ANGEL2: variants seen among roughly 807,000 people sequenced by gnomAD.
ANGEL2 encodes the protein RNA 2',3'-cyclic phosphatase ANGEL2.
Under a neutral mutation model 66.0 loss-of-function variants are expected in ANGEL2, and 41 were observed. The observed-to-expected ratio is 0.62, with a 90% CI of 0.48 to 0.81. ANGEL2 has a LOEUF of 0.81. Ranked by LOEUF, ANGEL2 falls within the 30% of genes least tolerant of loss-of-function variation. The pLI, the probability that ANGEL2 is intolerant of heterozygous loss-of-function variation, is 0.00. For missense variants in ANGEL2, 561 were observed against 641.6 expected, an observed-to-expected ratio of 0.87 and a Z score of 1.36; for synonymous variants, 208 against 226.5, an observed-to-expected ratio of 0.92 and a Z score of 0.73.
intron 2 of ANGEL2, chr1:213,011,134 C>A: frequency 8.1e-7 from 1 of 1,241,230 alleles, no homozygotes; most frequent in Non-Finnish European, 1.0e-6. Flanking sequence ...ATTTGAAAAC[C>A]ACTGATAAGA....
chr1:212,992,273 C>T lies in ANGEL2; in HGVS notation c.*2768G>A, dbSNP rs1169122051. On this transcript the variant is annotated 3_prime_UTR_variant, in exon 9 of 9. Transcript: ENST00000366962. The stretch of plus-strand genomic sequence containing the variant: ...CCCCAATCCCTTGAACTCTCTGGAT[C>T]TCAAACTTTCTTTAGGAAAGCAAAG... The T allele has an allele frequency of 6.6e-6, 1 of 152,200 alleles. No individual in the cohort carries two copies. The highest frequency in any genetic ancestry group is 1.5e-5 in the Non-Finnish European group (1 of 68,030). 9.4% of individuals were successfully genotyped at this position (152,200 alleles called of 1,614,324 possible).
intron 8 of ANGEL2, among the ~76,000 whole-genome samples, chr1:212,996,087 C>T (rs1441042392): frequency 6.6e-6 from 1 of 151,986 alleles, no homozygotes; most frequent in Non-Finnish European, 1.5e-5. Context: ...GCAGGCAGAT[C>T]ATGAGGTCAG....
At chr1:213,007,302 A>G in intron 3 of ANGEL2, 104 bp from the exon 4 acceptor site, 1 of 832,620 alleles carries the variant, frequency 1.2e-6, no homozygotes, top group South Asian at 2.1e-5. Flanking sequence ...AAAATTCCAC[A>G]CCTGATAAGA....
At chr1:213,011,165 A>G (rs1233360920) in intron 2 of ANGEL2, 13 of 1,285,268 alleles carry the variant, frequency 1.0e-5, no homozygotes, top group African/African-American at 1.5e-5. Context: ...TCTGGCCTTC[A>G]TATGCTTCAC....
intron 1 of ANGEL2, chr1:213,015,379 C>G: frequency 1.4e-6 from 2 of 1,414,418 alleles, no homozygotes; most frequent in South Asian, 1.5e-5. Flanking sequence ...CCCATGAACT[C>G]CGCGCCAAGA....
intron 5 of ANGEL2, among the ~76,000 whole-genome samples, chr1:213,002,917 C>CA (rs3056224): frequency 0.068 from 7,497 of 110,372 alleles, 561 homozygotes; most frequent in African/African-American, 0.21. Context: ...GATCCTGTCT[C>CA]AAAAAAAAAA....
intron 2 of ANGEL2, among the ~76,000 whole-genome samples, chr1:213,009,219 A>G (rs146540902): frequency 1.4e-3 from 214 of 152,350 alleles, no homozygotes; most frequent in African/African-American, 4.9e-3. Flanking sequence ...ATAAAAAAAC[A>G]CAAGACTTTG....
rs1438352347 is a variant in ANGEL2, at chr1:212,992,327, A to C, written c.*2714T>G. ...AAAAGCAGACAGTAACTAAATTCCA[A>C]ATAAAGACAAGATTTCAAACATGAA... On this transcript the variant is annotated 3_prime_UTR_variant, in exon 9 of 9. Coordinates refer to ENST00000366962, the MANE Select transcript of ANGEL2 (RefSeq NM_144567.5). 1 of 152,230 alleles carries C rather than the reference A, an allele frequency of 6.6e-6. No individual in the cohort carries two copies. The highest frequency in any genetic ancestry group is 1.9e-4 in the East Asian group (1 of 5,202). 9.4% of individuals were successfully genotyped at this position (152,230 alleles called of 1,614,324 possible). A position where few individuals can be genotyped will look rare whatever the true frequency, so the allele number is the denominator to read the frequency against.
chr1:213,003,925 C>T (rs1012591912), intron 5 of ANGEL2, among the ~76,000 whole-genome samples: 7 of 152,136 alleles, frequency 4.6e-5, no homozygotes, highest in Non-Finnish European at 4.4e-5. Context: ...ATTGGCTGGG[C>T]ATGGTGGCTC....
intron 3 of ANGEL2, 58 bp from the exon 4 acceptor site, chr1:213,007,256 G>T: frequency 7.7e-7 from 1 of 1,299,968 alleles, no homozygotes. Context: ...GAATTTCCTG[G>T]TGCTTTTATC....
intron 5 of ANGEL2, among the ~76,000 whole-genome samples, chr1:213,002,894 G>C (rs2076216195): frequency 6.6e-6 from 1 of 150,694 alleles, no homozygotes. Flanking sequence ...GTCCAGCCTG[G>C]GCAACAGCGC....
intron 1 of ANGEL2, among the ~76,000 whole-genome samples, chr1:213,014,198 C>A (rs866618433): frequency 3.3e-5 from 5 of 152,124 alleles, no homozygotes; most frequent in African/African-American, 1.2e-4. Flanking sequence ...TAATAAAGCA[C>A]CATGTTCCTC....
At chr1:213,003,208 A>T (rs1392745311) in intron 5 of ANGEL2, among the ~76,000 whole-genome samples, 1 of 152,176 alleles carries the variant, frequency 6.6e-6, no homozygotes, top group Non-Finnish European at 1.5e-5. Context: ...GGCTGGTTTG[A>T]TCTTCTATCC....
chr1:212,994,796 T>A lies in ANGEL2; in HGVS notation c.*245A>T. 3.6e-6 allele frequency: 1 copy of A among 275,028 alleles called. No individual in the cohort carries two copies. The highest frequency in any genetic ancestry group is 5.2e-5 in the Admixed American group (1 of 19,280). 17.0% of individuals were successfully genotyped at this position (275,028 alleles called of 1,614,324 possible). On this transcript the variant is annotated 3_prime_UTR_variant, in exon 9 of 9. Transcript: ENST00000366962. ...GTCAATTTTACTAGGATTTAGAATA[T>A]AAAACCTTTACATCTCTTTTACAAT... is the stretch of plus-strand genomic sequence containing the variant.
chr1:213,009,262 CGTGTGTGTGATGT>C (rs1288031644), intron 2 of ANGEL2, among the ~76,000 whole-genome samples: 2 of 152,078 alleles, frequency 1.3e-5, no homozygotes, highest in Non-Finnish European at 2.9e-5. Context: ...TAGAAATAAC[CGTGTGTGTGATGT>C]GTGTGTGTGT....
chr1:212,999,689 G>C (rs1053593379), intron 7 of ANGEL2, among the ~76,000 whole-genome samples: 3 of 152,170 alleles, frequency 2.0e-5, no homozygotes, highest in Non-Finnish European at 4.4e-5. Flanking sequence ...TCTCTGTCCT[G>C]TTTTATTAAC....
intron 8 of ANGEL2, among the ~76,000 whole-genome samples, chr1:212,996,131 T>C (rs901934081): frequency 6.2e-4 from 93 of 151,100 alleles, no homozygotes; most frequent in African/African-American, 1.7e-3. Context: ...CACGGTGAAA[T>C]CCCGTCTCTA....
intron 2 of ANGEL2, among the ~76,000 whole-genome samples, chr1:213,010,929 G>A (rs2076490058): frequency 6.6e-6 from 1 of 152,134 alleles, no homozygotes; most frequent in Non-Finnish European, 1.5e-5. Flanking sequence ...AGTTTATCTG[G>A]TTACTACAGT....
At chr1:213,009,879 T>C (rs965136034) in intron 2 of ANGEL2, among the ~76,000 whole-genome samples, 3 of 151,712 alleles carry the variant, frequency 2.0e-5, no homozygotes, top group African/African-American at 7.3e-5. Flanking sequence ...GGCGAAACCC[T>C]GTCTCTACTA....
Sources: gnomAD v4.1 joint callset for allele counts (sites outside exome capture counted in the v4.1 genomes callset) on GRCh38, gnomAD v4.1.1 for gene constraint, MANE v1.5 for transcripts, NCBI Gene and HGNC (gene_info 2026-07-23, HGNC 2026-07-21) for gene names.